The following FAM117A variants were observed in gnomAD, a reference collection of about 807,000 sequenced individuals.
The protein encoded by FAM117A is protein FAM117A.
A neutral mutation model predicts 44.1 loss-of-function variants in FAM117A; 21 were observed. That is an observed-to-expected ratio of 0.48 (90% CI 0.34 to 0.69). FAM117A has a LOEUF of 0.69. Among genes scored for constraint, FAM117A ranks in the 30% least tolerant of loss-of-function variants. The pLI, the probability that FAM117A is intolerant of heterozygous loss-of-function variation, is 0.01. For missense variants in FAM117A, 498 were observed against 589.9 expected, an observed-to-expected ratio of 0.84 and a Z score of 1.61; for synonymous variants, 220 against 238.3, an observed-to-expected ratio of 0.92 and a Z score of 0.71.
At chr17:49,720,607 T>TGA (rs2073529555) in intron 3 of FAM117A, among the ~76,000 whole-genome samples, 171 bp from the exon 4 acceptor site, 1 of 152,230 alleles carries the variant, frequency 6.6e-6, no homozygotes, top group Non-Finnish European at 1.5e-5. Context: ...TGTGATGATC[T>TGA]GTTCCTCAGA....
At position 49,773,857 on chromosome 17, in the gene FAM117A, G is replaced by A. The variant is rs574708891; in HGVS notation, c.-621+14640C>T. Among the ~76,000 whole-genome samples the A allele has an allele frequency of 2.0e-5, 3 of 152,072 alleles. No individual in the cohort carries two copies. The East Asian group carries it at 5.8e-4, about 29-fold the overall frequency. On this transcript the variant is annotated intron_variant, in intron 1 of 7. Transcript: ENST00000513602. The stretch of plus-strand genomic sequence containing the variant: ...TAACCTCCACCACCCTGGTTCAAGC[G>A]ATTCTCCTGCCTCAGCCTCCCGAAT...
At chr17:49,724,277 C>T (rs774629037) in intron 2 of FAM117A, 5 of 450,122 alleles carry the variant, frequency 1.1e-5, no homozygotes, top group Admixed American at 2.4e-5. Context: ...AGCTGGGCCC[C>T]GCACCCCCCA....
intron 1 of FAM117A, among the ~76,000 whole-genome samples, chr17:49,734,895 T>G (rs1439379807): frequency 6.6e-6 from 1 of 152,166 alleles, no homozygotes; most frequent in African/African-American, 2.4e-5. Flanking sequence ...CAGATGATGC[T>G]GAGTTAAGTA....
chr17:49,788,642 G>A (rs565992455), upstream of FAM117A: 8 of 516,896 alleles, frequency 1.5e-5, no homozygotes, highest in East Asian at 1.0e-4. Context: ...AGACCCAGCC[G>A]GAAGTGAAGG....
At chr17:49,718,752 G>C (rs1389473147) in intron 5 of FAM117A, among the ~76,000 whole-genome samples, 1 of 152,076 alleles carries the variant, frequency 6.6e-6, no homozygotes, top group Non-Finnish European at 1.5e-5. Context: ...GGAGGCCAAG[G>C]TGGGTGGATC....
chr17:49,763,831 GTC>G, intron 1 of FAM117A, 59 bp downstream of exon 1: 2 of 566,820 alleles, frequency 3.5e-6, no homozygotes, highest in Non-Finnish European at 4.6e-6. Context: ...CCCTCCCGCG[GTC>G]ACGCGCCCCC....
At chr17:49,751,943 CAAA>C (rs71146933) in intron 1 of FAM117A, among the ~76,000 whole-genome samples, 5 of 56,948 alleles carry the variant, frequency 8.8e-5, no homozygotes, top group Admixed American at 2.0e-4. Context: ...GACTCCATCT[CAAA>C]AAAAAAAAAA....
chr17:49,741,249 C>T (rs2073633094), intron 1 of FAM117A, among the ~76,000 whole-genome samples: 1 of 152,280 alleles, frequency 6.6e-6, no homozygotes, highest in African/African-American at 2.4e-5. Flanking sequence ...GCATTATTAG[C>T]ACTAGTCTTC....
intron 1 of FAM117A, among the ~76,000 whole-genome samples, chr17:49,752,491 T>C (rs968732643): frequency 3.9e-5 from 6 of 152,220 alleles, no homozygotes; most frequent in Non-Finnish European, 8.8e-5. Flanking sequence ...CACCCACATG[T>C]ATTCCCAGGT....
intron 1 of FAM117A, among the ~76,000 whole-genome samples, chr17:49,735,696 C>T (rs1483352358): frequency 6.6e-6 from 1 of 152,068 alleles, no homozygotes; most frequent in Non-Finnish European, 1.5e-5. Context: ...AACTCCTGGG[C>T]TCAAGTGATC....
At chr17:49,713,410 A>T (rs1287529034) in intron 7 of FAM117A, among the ~76,000 whole-genome samples, 1 of 152,182 alleles carries the variant, frequency 6.6e-6, no homozygotes, top group Non-Finnish European at 1.5e-5. Context: ...TCTGCCACCA[A>T]TGGTTCTCAC....
At chr17:49,740,540 C>T (rs567921081) in intron 1 of FAM117A, among the ~76,000 whole-genome samples, 2 of 152,314 alleles carry the variant, frequency 1.3e-5, no homozygotes, top group South Asian at 2.1e-4. Context: ...TGAGCCACTG[C>T]ACCCAGCCTG....
chr17:49,745,241 GC>G (rs1023444607), intron 1 of FAM117A, among the ~76,000 whole-genome samples: 3 of 152,172 alleles, frequency 2.0e-5, no homozygotes, highest in African/African-American at 7.2e-5. Flanking sequence ...GATTTCAAAG[GC>G]CAAAAGACAA....
intron 1 of FAM117A, among the ~76,000 whole-genome samples, chr17:49,738,306 C>T (rs1336728098): frequency 6.6e-6 from 1 of 152,212 alleles, no homozygotes; most frequent in Non-Finnish European, 1.5e-5. Context: ...ACTCTACATT[C>T]TTTCCGGCTC....
chr17:49,781,893 T>A (rs756254538), intron 1 of FAM117A, among the ~76,000 whole-genome samples: 4 of 152,032 alleles, frequency 2.6e-5, no homozygotes, highest in Non-Finnish European at 5.9e-5. Flanking sequence ...GGAGGATCGC[T>A]TGAAACCAGG....
upstream of FAM117A, among the ~76,000 whole-genome samples, chr17:49,764,369 T>C (rs1214117092): frequency 6.6e-6 from 1 of 152,094 alleles, no homozygotes; most frequent in African/African-American, 2.4e-5. Context: ...GATTGGCCTG[T>C]ACAGAAGAGG....
chr17:49,757,325 C>T (rs2073703046), intron 1 of FAM117A, among the ~76,000 whole-genome samples: 1 of 152,148 alleles, frequency 6.6e-6, no homozygotes, highest in African/African-American at 2.4e-5. Flanking sequence ...TGAAGTTTTT[C>T]TATTATGAAA....
intron 3 of FAM117A, 99 bp from the exon 4 acceptor site, chr17:49,720,535 GAT>G (rs900977028): frequency 2.4e-6 from 2 of 837,176 alleles, no homozygotes; most frequent in African/African-American, 3.4e-5. Context: ...GGCCCATGAA[GAT>G]ATATACAAGG....
chr17:49,750,648 GCAC>G (rs1296675735), intron 1 of FAM117A, among the ~76,000 whole-genome samples: 1 of 152,038 alleles, frequency 6.6e-6, no homozygotes. Flanking sequence ...ATGGTGGCAG[GCAC>G]CTGTAATTCA....
Sources: gnomAD v4.1 joint callset for allele counts (sites outside exome capture counted in the v4.1 genomes callset) on GRCh38, gnomAD v4.1.1 for gene constraint, MANE v1.5 for transcripts, NCBI Gene and HGNC (gene_info 2026-07-23, HGNC 2026-07-21) for gene names.